The following GFPT2 variants were observed in gnomAD, a reference collection of about 807,000 sequenced individuals.
GFPT2 encodes glutamine--fructose-6-phosphate transaminase 2, also known as glutamine--fructose-6-phosphate aminotransferase [isomerizing] 2.
GFPT2 carries 62 observed loss-of-function variants against 85.6 expected under a neutral mutation model. The observed-to-expected ratio is 0.72, with a 90% CI of 0.59 to 0.90. The LOEUF (loss-of-function observed/expected upper bound fraction) is 0.90. GFPT2 is among the 40% of genes least tolerant of loss of function. The probability of loss-of-function intolerance (pLI) is 0.00; values close to 1 mark genes in which losing one functional copy is unlikely to be tolerated. For synonymous variants in GFPT2, 368 were observed against 344.5 expected (o/e 1.07, Z -0.75); for missense variants, 788 against 893.4 (o/e 0.88, Z 1.50).
At chr5:180,308,892 C>T (rs1284983223) in intron 15 of GFPT2, among the ~76,000 whole-genome samples, 2 of 148,248 alleles carry the variant, frequency 1.3e-5, no homozygotes, top group Non-Finnish European at 3.0e-5. Flanking sequence ...TTTTTTGAGA[C>T]AGAGTCTCAC....
At chr5:180,322,763 G>A (rs189280411) in intron 9 of GFPT2, among the ~76,000 whole-genome samples, 21 of 152,154 alleles carry the variant, frequency 1.4e-4, no homozygotes, top group African/African-American at 5.1e-4. Context: ...CTGGATGGGC[G>A]CGGTGGCTCA....
At chr5:180,309,863 T>G (rs1013720419) in intron 15 of GFPT2, among the ~76,000 whole-genome samples, 3 of 151,184 alleles carry the variant, frequency 2.0e-5, no homozygotes, top group Non-Finnish European at 2.9e-5. Context: ...CAGGCTGGAG[T>G]GCAGTGGTGC....
intron 17 of GFPT2, 80 bp downstream of exon 17, chr5:180,304,692 G>A (rs1234059886): frequency 3.1e-6 from 4 of 1,272,936 alleles, no homozygotes; most frequent in Non-Finnish European, 4.5e-6. Flanking sequence ...TCCATCACTG[G>A]TACTGGCAGA....
chr5:180,345,259 C>T (rs116807755), intron 1 of GFPT2, among the ~76,000 whole-genome samples: 529 of 152,390 alleles, frequency 3.5e-3, no homozygotes, highest in African/African-American at 0.012. Context: ...AAACCAAATG[C>T]GTTACTTGGT....
At chr5:180,305,952 G>A (rs1763767708) in intron 16 of GFPT2, among the ~76,000 whole-genome samples, 1 of 151,214 alleles carries the variant, frequency 6.6e-6, no homozygotes, top group Non-Finnish European at 1.5e-5. Context: ...ACTTGTAACT[G>A]GCATTGTCTT....
At chr5:180,312,353 A>G in intron 15 of GFPT2, 77 bp downstream of exon 15, 1 of 805,676 alleles carries the variant, frequency 1.2e-6, no homozygotes, top group Non-Finnish European at 2.2e-6. Context: ...CATCCTGTAC[A>G]GGTGAGAGTC....
chr5:180,304,821 G>A lies in GFPT2; in HGVS notation c.1793C>T (p.Pro598Leu), dbSNP rs747062916. ...MPVIMVIMKD[P>L]CFAKCQNALQ... ...GGCGTTCTGGCATTTGGCGAAGCAA[G>A]GATCCTTCATAATGACCATGATGAC... is the stretch of plus-strand genomic sequence containing the variant. Residue 598 changes from proline (P) to leucine (L), a missense_variant, in exon 17 of 19, where the codon CCT becomes CTT. Pro to Leu is a moderately conservative substitution (Grantham distance 98). Coordinates refer to ENST00000253778, the MANE Select transcript of GFPT2 (RefSeq NM_005110.4). The A allele has an allele frequency of 2.5e-6, 4 of 1,614,078 alleles. No homozygotes were observed. The highest frequency in any genetic ancestry group is 3.4e-6 in the Non-Finnish European group (4 of 1,179,942).
At chr5:180,332,830 G>A (rs1401076577) in intron 4 of GFPT2, among the ~76,000 whole-genome samples, 3 of 152,148 alleles carry the variant, frequency 2.0e-5, no homozygotes, top group Non-Finnish European at 4.4e-5. Context: ...TTGAGCCACT[G>A]TGCCTGGTCT....
At chr5:180,342,035 G>C (rs533044886) in intron 1 of GFPT2, among the ~76,000 whole-genome samples, 3 of 152,098 alleles carry the variant, frequency 2.0e-5, no homozygotes, top group Non-Finnish European at 4.4e-5. Flanking sequence ...TGCTGTTCTC[G>C]TGAGAGTGAA....
intron 7 of GFPT2, among the ~76,000 whole-genome samples, chr5:180,327,314 G>A (rs564098273): frequency 6.6e-6 from 1 of 152,288 alleles, no homozygotes; most frequent in African/African-American, 2.4e-5. Context: ...CCCATGCCTG[G>A]CACACAGCAG....
chr5:180,351,093 C>T (rs566701531), intron 1 of GFPT2, among the ~76,000 whole-genome samples: 3 of 152,216 alleles, frequency 2.0e-5, no homozygotes, highest in Non-Finnish European at 2.9e-5. Context: ...TTTTCTTCTG[C>T]AGAATTTGAT....
intron 17 of GFPT2, among the ~76,000 whole-genome samples, chr5:180,304,086 G>A (rs981609157): frequency 1.3e-5 from 2 of 152,136 alleles, no homozygotes; most frequent in African/African-American, 4.8e-5. Flanking sequence ...GGACACTGGA[G>A]CTAGCAGCTC....
At chr5:180,321,291 A>G (rs1234118414) in intron 9 of GFPT2, among the ~76,000 whole-genome samples, 1 of 152,192 alleles carries the variant, frequency 6.6e-6, no homozygotes, top group Non-Finnish European at 1.5e-5. Flanking sequence ...CCAACCAACA[A>G]TGCATGACGC....
At chr5:180,304,614 A>G (rs1763740184) in intron 17 of GFPT2, among the ~76,000 whole-genome samples, 158 bp downstream of exon 17, 1 of 152,162 alleles carries the variant, frequency 6.6e-6, no homozygotes, top group Non-Finnish European at 1.5e-5. Context: ...CTCCTTTCCA[A>G]GTGTGTGCAC....
At chr5:180,338,680 G>C (rs542809808) in intron 1 of GFPT2, 80 bp from the exon 2 acceptor site, 2 of 816,810 alleles carry the variant, frequency 2.4e-6, no homozygotes, top group African/African-American at 3.4e-5. Flanking sequence ...GGGATGCACC[G>C]AGGTGGCATC....
At chr5:180,352,990 T>A (rs1278702828) in intron 1 of GFPT2, 3 of 383,806 alleles carry the variant, frequency 7.8e-6, no homozygotes, top group South Asian at 1.1e-4. Flanking sequence ...AGGAGTCGGG[T>A]TGGGCATCCC....
intron 1 of GFPT2, among the ~76,000 whole-genome samples, chr5:180,350,984 T>G (rs1046225087): frequency 1.3e-5 from 2 of 152,256 alleles, no homozygotes; most frequent in African/African-American, 2.4e-5. Context: ...TCGCAGGGCC[T>G]CAGCTTCCCC....
rs868655619 is a variant in GFPT2 at position 180,323,922 on chromosome 5, A to T, written c.794+266T>A. ...CCAAATTTTACAACATTGGCAACTA[A>T]CCCATTCATTTTGTGCAGGCTCGAA... is the stretch of plus-strand genomic sequence containing the variant. On this transcript the variant is annotated intron_variant, in intron 9 of 18. Coordinates refer to ENST00000253778, the MANE Select transcript of GFPT2 (RefSeq NM_005110.4). The surrounding 1 kb of genome is among the most constrained non-coding windows in gnomAD (Gnocchi z 4.0). 6.6e-6 allele frequency among the ~76,000 whole-genome samples: 1 copy of T among 152,164 alleles called. No individual in the cohort carries two copies. Among genetic ancestry groups the T allele is most frequent in the East Asian group, 1.9e-4 (1 of 5,196 alleles).
intron 9 of GFPT2, among the ~76,000 whole-genome samples, chr5:180,320,386 T>G (rs548613141): frequency 1.7e-4 from 26 of 152,248 alleles, no homozygotes; most frequent in Non-Finnish European, 3.4e-4. Context: ...AAAATCATTT[T>G]AAGTTTGAAA....
Sources: gnomAD v4.1 joint callset for allele counts (sites outside exome capture counted in the v4.1 genomes callset) on GRCh38, gnomAD v4.1.1 for gene constraint, Gnocchi (gnomAD v3.1) non-coding constraint, MANE v1.5 for transcripts, NCBI Gene and HGNC (gene_info 2026-07-23, HGNC 2026-07-21) for gene names.